The following CERT1 variants were observed in gnomAD, a reference collection of about 807,000 sequenced individuals.
CERT1 encodes the protein ceramide transfer protein.
CERT1 carries 31 observed loss-of-function variants against 87.9 expected under a neutral mutation model. That is an observed-to-expected ratio of 0.35 (90% CI 0.27 to 0.48). The LOEUF is 0.48. Ranked by LOEUF, CERT1 falls within the 20% of genes least tolerant of loss-of-function variation. The pLI, the probability that CERT1 is intolerant of heterozygous loss-of-function variation, is 0.99. For synonymous variants in CERT1, 289 were observed against 250.9 expected, an observed-to-expected ratio of 1.15 and a Z score of -1.44; for missense variants, 487 against 758.0, an observed-to-expected ratio of 0.64 and a Z score of 4.20.
intron 14 of CERT1, among the ~76,000 whole-genome samples, chr5:75,383,517 T>C (rs192563220): frequency 5.1e-4 from 77 of 152,214 alleles, no homozygotes; most frequent in Admixed American, 1.7e-3. Context: ...TTTACTAAAT[T>C]TTAGATTTCA....
intron 3 of CERT1, among the ~76,000 whole-genome samples, chr5:75,456,663 C>CAAAAAAAA (rs34320476): frequency 1.4e-5 from 1 of 69,422 alleles, no homozygotes; most frequent in Non-Finnish European, 2.7e-5. Context: ...GACCTCATCT[C>CAAAAAAAA]AAAAAAAAAA....
At position 75,419,526 on chromosome 5, in the gene CERT1, G is replaced by C. The variant is rs1014502815; in HGVS notation, c.596-102C>G. On this transcript the variant is annotated intron_variant, in intron 5 of 16. Transcript: ENST00000643780. ...ATTTTACTCTGGATTCTGATTCTGA[G>C]TATGAAGTCTTACTCATCTTTGTAT... is the stretch of plus-strand genomic sequence containing the variant. The C allele has an allele frequency of 1.8e-5, 14 of 769,672 alleles. No individual in the cohort carries two copies. In the Admixed American group the frequency reaches 3.0e-4, roughly 16 times the overall value. 47.7% of individuals were successfully genotyped at this position (769,672 alleles called of 1,614,324 possible). A position where few individuals can be genotyped will look rare whatever the true frequency, so the allele number is the denominator to read the frequency against.
chr5:75,483,264 T>C (rs1009121118), intron 2 of CERT1, among the ~76,000 whole-genome samples: 2 of 152,140 alleles, frequency 1.3e-5, no homozygotes, highest in Admixed American at 6.5e-5. Flanking sequence ...TCAGTGTCTC[T>C]CAACAGCATA....
At chr5:75,446,949 G>T (rs1202917048) in intron 3 of CERT1, among the ~76,000 whole-genome samples, 1 of 152,136 alleles carries the variant, frequency 6.6e-6, no homozygotes, top group African/African-American at 2.4e-5. Context: ...AACAATAATG[G>T]TCACCCACCT....
intron 8 of CERT1, among the ~76,000 whole-genome samples, chr5:75,405,918 C>T (rs1762691823): frequency 1.4e-5 from 2 of 144,534 alleles, no homozygotes; most frequent in Admixed American, 7.3e-5. Context: ...ACCACTGATA[C>T]AATGGGATTA....
intron 5 of CERT1, among the ~76,000 whole-genome samples, chr5:75,422,626 T>C (rs1304174554): frequency 6.6e-6 from 1 of 151,320 alleles, no homozygotes; most frequent in Non-Finnish European, 1.5e-5. Flanking sequence ...CAAATAAAAA[T>C]CAAAGGATCA....
At chr5:75,505,494 C>T (rs1362249247) in intron 2 of CERT1, 1 of 152,092 alleles carries the variant, frequency 6.6e-6, no homozygotes, top group Non-Finnish European at 1.5e-5. Flanking sequence ...TTTTATTCCA[C>T]ATTAGAGAAA....
intron 11 of CERT1, among the ~76,000 whole-genome samples, chr5:75,392,740 C>T (rs147890805): frequency 0.078 from 11,869 of 151,676 alleles, 560 homozygotes; most frequent in South Asian, 0.17. Flanking sequence ...GAGGCTGAGG[C>T]GGGCAGATCA....
intron 8 of CERT1, among the ~76,000 whole-genome samples, chr5:75,404,762 A>G (rs1762637830): frequency 6.6e-6 from 1 of 152,022 alleles, no homozygotes; most frequent in South Asian, 2.1e-4. Flanking sequence ...TAAACCCAGC[A>G]CTCTGGGAGA....
At chr5:75,397,965 G>A (rs897569639) in intron 11 of CERT1, among the ~76,000 whole-genome samples, 2 of 152,128 alleles carry the variant, frequency 1.3e-5, no homozygotes. Context: ...GTTGCAGTGA[G>A]CCCAGATCGT....
rs1762211135 is a variant in CERT1 at position 75,395,547 on chromosome 5, T to C, written c.1188+3763A>G. 3.4e-5 allele frequency among the ~76,000 whole-genome samples: 4 copies of C among 119,068 alleles called. No individual in the cohort carries two copies. The South Asian group carries it at 1.1e-3, about 32-fold the overall frequency. The allele number at this position is 119,068 out of a possible 152,430, so 78.1% of individuals were successfully genotyped here. A position where few individuals can be genotyped will look rare whatever the true frequency, so the allele number is the denominator to read the frequency against. ...CTTGGCCTGGACAAGTGAAACCTTG[T>C]CTCTTTACAAAAAAAAAAAAAAAAA... On this transcript the variant is annotated intron_variant, in intron 11 of 16. Coordinates refer to ENST00000643780, the MANE Select transcript of CERT1 (RefSeq NM_001379029.1).
At chr5:75,490,559 C>T (rs891206567) in intron 2 of CERT1, among the ~76,000 whole-genome samples, 6 of 151,692 alleles carry the variant, frequency 4.0e-5, no homozygotes, top group South Asian at 2.1e-4. Flanking sequence ...AGTGCAGTGG[C>T]GCGATCTCGG....
chr5:75,374,416 T>C (rs1761206586), downstream of CERT1: 1 of 563,112 alleles, frequency 1.8e-6, no homozygotes, highest in African/African-American at 1.9e-5. Context: ...TTTCAAAAGT[T>C]AGAAAAAAAA....
downstream of CERT1, chr5:75,377,121 C>T (rs1437749141): frequency 2.6e-5 from 4 of 152,074 alleles, no homozygotes; most frequent in African/African-American, 4.8e-5. Flanking sequence ...TAGTACTATA[C>T]AAAAGATTCT....
chr5:75,464,240 C>T (rs1016180906), intron 2 of CERT1, among the ~76,000 whole-genome samples: 1 of 152,078 alleles, frequency 6.6e-6, no homozygotes, highest in Non-Finnish European at 1.5e-5. Flanking sequence ...CAGCAGGTAG[C>T]ACTAGAGGTT....
intron 5 of CERT1, among the ~76,000 whole-genome samples, chr5:75,422,390 C>G (rs541192320): frequency 6.6e-6 from 1 of 152,192 alleles, no homozygotes; most frequent in South Asian, 2.1e-4. Flanking sequence ...CAGAGGCAAG[C>G]AGACTGCTTG....
In CERT1 at chr5:75,413,576, T is replaced by C. The variant is rs761886937; in HGVS notation, c.838-2473A>G. ...GTATACTAATGGCTGTGTCTGTGAATAGTCATTGCACTTCAGCCTGGACAA... is the reference window on the plus strand; with the variant it reads ...GTATACTAATGGCTGTGTCTGTGAACAGTCATTGCACTTCAGCCTGGACAA... On this transcript the variant is annotated intron_variant, in intron 7 of 16. Coordinates refer to ENST00000643780, the MANE Select transcript of CERT1 (RefSeq NM_001379029.1). Among the ~76,000 whole-genome samples, 18 of 152,052 alleles carry C rather than the reference T, an allele frequency of 1.2e-4. 1 individual carries two copies. Among genetic ancestry groups the C allele is most frequent in the South Asian group, 1.0e-3 (5 of 4,824 alleles).
intron 5 of CERT1, among the ~76,000 whole-genome samples, chr5:75,419,712 C>T (rs1308837118): frequency 6.6e-6 from 1 of 151,994 alleles, no homozygotes; most frequent in African/African-American, 2.4e-5. Context: ...TAAAGCTCCC[C>T]GAGATGATTA....
chr5:75,498,325 A>G (rs1767173140), intron 2 of CERT1, among the ~76,000 whole-genome samples: 1 of 152,250 alleles, frequency 6.6e-6, no homozygotes, highest in Admixed American at 6.5e-5. Flanking sequence ...GCTAAATGTT[A>G]TCACCAAGAC....
Sources: gnomAD v4.1 joint callset for allele counts (sites outside exome capture counted in the v4.1 genomes callset) on GRCh38, gnomAD v4.1.1 for gene constraint, MANE v1.5 for transcripts, NCBI Gene and HGNC (gene_info 2026-07-23, HGNC 2026-07-21) for gene names.